The following ANKFN1 variants were observed in gnomAD, a reference collection of about 807,000 sequenced individuals.
The protein encoded by ANKFN1 is ankyrin repeat and fibronectin type III domain containing 1, also known as ankyrin repeat and fibronectin type-III domain-containing protein 1.
ANKFN1 carries 74 observed loss-of-function variants against 108.7 expected under a neutral mutation model. The observed-to-expected ratio is 0.68, with a 90% CI of 0.56 to 0.83. ANKFN1 has a LOEUF of 0.83. Among genes scored for constraint, ANKFN1 ranks in the 40% least tolerant of loss-of-function variants. The pLI, the probability that ANKFN1 is intolerant of heterozygous loss-of-function variation, is 0.00. For synonymous variants in ANKFN1, 547 were observed against 516.2 expected, an observed-to-expected ratio of 1.06 and a Z score of -0.81; for missense variants, 1,505 against 1,382.3, an observed-to-expected ratio of 1.09 and a Z score of -1.41.
chr17:56,381,372 C>A (rs1169488409), intron 8 of ANKFN1, among the ~76,000 whole-genome samples: 1 of 152,168 alleles, frequency 6.6e-6, no homozygotes, highest in East Asian at 1.9e-4. Flanking sequence ...CTCTAAAAAG[C>A]AGAGTGCCTC....
rs930679692 is a variant in ANKFN1, at chr17:56,212,587, T to C, written c.-70-11T>C. Among the ~76,000 whole-genome samples the C allele has an allele frequency of 1.3e-5, 2 of 152,230 alleles. No individual in the cohort carries two copies. Among genetic ancestry groups the C allele is most frequent in the Non-Finnish European group, 2.9e-5 (2 of 68,036 alleles). On this transcript the variant is annotated splice_polypyrimidine_tract_variant and intron_variant, in intron 1 of 20. Transcript: ENST00000682825. ...TTAGGGAGGATTATCTCTTTCTCTC[T>C]TTTGGAATAGTGCCAATAGGATAAG...
intron 8 of ANKFN1, among the ~76,000 whole-genome samples, chr17:56,417,190 T>C (rs1311702153): frequency 1.3e-5 from 2 of 152,292 alleles, no homozygotes; most frequent in Non-Finnish European, 2.9e-5. Flanking sequence ...AATAATTTAA[T>C]TTTATGTTTA....
At chr17:56,177,439 C>G (rs955071027) in intron 1 of ANKFN1, among the ~76,000 whole-genome samples, 2 of 152,220 alleles carry the variant, frequency 1.3e-5, no homozygotes, top group African/African-American at 2.4e-5. Flanking sequence ...ATAGGCCTCT[C>G]AGAAGCAAGA....
chr17:56,092,128 G>GA (rs1905431210), intron 4 of ANKFN1, among the ~76,000 whole-genome samples: 1 of 151,284 alleles, frequency 6.6e-6, no homozygotes, highest in East Asian at 1.9e-4. Flanking sequence ...AGGGCAGCTG[G>GA]AAAAAAGGGT....
chr17:56,116,188 T>C (rs1477710291), intron 4 of ANKFN1, among the ~76,000 whole-genome samples: 1 of 152,172 alleles, frequency 6.6e-6, no homozygotes, highest in Non-Finnish European at 1.5e-5. Context: ...TTGCATTCAT[T>C]GTTTTTACAT....
chr17:56,390,303 T>C (rs1261892166), intron 8 of ANKFN1, among the ~76,000 whole-genome samples: 1 of 151,566 alleles, frequency 6.6e-6, no homozygotes, highest in Non-Finnish European at 1.5e-5. Context: ...GGGTGTTTGG[T>C]TTTCTGTTCC....
At chr17:56,279,651 G>A (rs1292334047) in intron 3 of ANKFN1, among the ~76,000 whole-genome samples, 3 of 152,070 alleles carry the variant, frequency 2.0e-5, no homozygotes, top group Admixed American at 1.3e-4. Flanking sequence ...ACTTTGCTCA[G>A]TACAACACAA....
intron 4 of ANKFN1, among the ~76,000 whole-genome samples, chr17:56,350,146 G>C (rs557014802): frequency 6.6e-6 from 1 of 152,130 alleles, no homozygotes. Context: ...GCCCCAGCCA[G>C]GGTATCTGGG....
rs192483404 is a variant in ANKFN1, at chr17:56,066,011, C to A, written c.288+19686C>A. Among the ~76,000 whole-genome samples the A allele has an allele frequency of 3.3e-5, 5 of 152,318 alleles. No homozygotes were observed. The East Asian group carries it at 9.6e-4, about 29-fold the overall frequency. On this transcript the variant is annotated intron_variant, in intron 4 of 12. Transcript: ENST00000635860. ...AAATTAGGTATGCCTATGCCTATGA[C>A]CACACCTTGATGACATACCAACAGG...
intron 4 of ANKFN1, among the ~76,000 whole-genome samples, chr17:56,052,971 A>T (rs1904804251): frequency 6.6e-6 from 1 of 152,164 alleles, no homozygotes; most frequent in Non-Finnish European, 1.5e-5. Flanking sequence ...CAACTCATTT[A>T]ACATGGGATG....
intron 1 of ANKFN1, among the ~76,000 whole-genome samples, chr17:56,163,883 G>A (rs531954209): frequency 6.6e-6 from 1 of 152,130 alleles, no homozygotes; most frequent in Admixed American, 6.5e-5. Context: ...ATCTAGACAC[G>A]CAGAACAGTT....
chr17:56,277,467 T>C (rs1025397654), intron 3 of ANKFN1, among the ~76,000 whole-genome samples: 2 of 152,180 alleles, frequency 1.3e-5, no homozygotes, highest in Non-Finnish European at 2.9e-5. Flanking sequence ...ATCACTCTCC[T>C]GTATTGAGTA....
At chr17:56,131,018 G>T (rs1320970431) in intron 4 of ANKFN1, among the ~76,000 whole-genome samples, 1 of 152,014 alleles carries the variant, frequency 6.6e-6, no homozygotes, top group South Asian at 2.1e-4. Context: ...ATTGAATGGG[G>T]CATCTGAGAC....
chr17:56,372,407 A>G (rs2046833961), intron 6 of ANKFN1, among the ~76,000 whole-genome samples: 2 of 152,220 alleles, frequency 1.3e-5, no homozygotes, highest in Admixed American at 1.3e-4. Context: ...TATGTGTTAC[A>G]GCAGGGCTGG....
At chr17:56,409,407 T>TAC (rs2048022105) in intron 8 of ANKFN1, among the ~76,000 whole-genome samples, 2 of 152,146 alleles carry the variant, frequency 1.3e-5, no homozygotes, top group Non-Finnish European at 2.9e-5. Context: ...CTGAACATTG[T>TAC]ACATAAAACA....
intron 3 of ANKFN1, among the ~76,000 whole-genome samples, chr17:56,265,988 A>G (rs1345582753): frequency 6.6e-6 from 1 of 152,200 alleles, no homozygotes; most frequent in Non-Finnish European, 1.5e-5. Context: ...GGAGGCACAC[A>G]TGTAAAAAGG....
chr17:56,049,987 A>G (rs1240004646), intron 4 of ANKFN1, among the ~76,000 whole-genome samples: 1 of 152,190 alleles, frequency 6.6e-6, no homozygotes, highest in African/African-American at 2.4e-5. Flanking sequence ...ACAATGGTTG[A>G]ACTAGTTTAC....
At chr17:56,298,917 C>T (rs2044595054) in intron 3 of ANKFN1, among the ~76,000 whole-genome samples, 1 of 152,194 alleles carries the variant, frequency 6.6e-6, no homozygotes, top group Admixed American at 6.5e-5. Flanking sequence ...TCAGAAGATA[C>T]AGCCAATATC....
At position 56,482,531 on chromosome 17, in the gene ANKFN1, T is replaced by C. The variant is rs755234689; in HGVS notation, c.2260+7T>C. The C allele has an allele frequency of 1.1e-5, 17 of 1,609,872 alleles. 1 individual carries two copies. In the South Asian group the frequency reaches 1.7e-4, roughly 16 times the overall value. On this transcript the variant is annotated splice_region_variant and intron_variant, in intron 18 of 20. Coordinates refer to ENST00000682825, the MANE Select transcript of ANKFN1 (RefSeq NM_001370326.1). The stretch of plus-strand genomic sequence containing the variant: ...CTTCAGATGTTTGAACTTGGTATAG[T>C]AGCTTGTTTCACCTAGAAATATTAA...
Sources: gnomAD v4.1 joint callset for allele counts (sites outside exome capture counted in the v4.1 genomes callset) on GRCh38, gnomAD v4.1.1 for gene constraint, MANE v1.5 for transcripts, NCBI Gene and HGNC (gene_info 2026-07-23, HGNC 2026-07-21) for gene names.